Variants in CDK7 observed in about 807,000 individuals in gnomAD.
CDK7 encodes the protein cyclin dependent kinase 7, also known as cyclin-dependent kinase 7.
CDK7 carries 25 observed loss-of-function variants against 49.1 expected under a neutral mutation model. The observed-to-expected ratio is 0.51, with a 90% CI of 0.37 to 0.71. The LOEUF is 0.71. Among genes scored for constraint, CDK7 ranks in the 30% least tolerant of loss-of-function variants. The pLI is 0.00. For missense variants in CDK7, 316 were observed against 411.7 expected (o/e 0.77, Z 2.01); for synonymous variants, 107 against 140.0 (o/e 0.76, Z 1.67).
chr5:69,264,423 T>C (rs917956598), intron 8 of CDK7, among the ~76,000 whole-genome samples: 9 of 152,334 alleles, frequency 5.9e-5, no homozygotes, highest in African/African-American at 2.2e-4. Flanking sequence ...TACATACCTG[T>C]GGTCCCAGCT....
At chr5:69,249,433 TG>T (rs897133643) in intron 2 of CDK7, among the ~76,000 whole-genome samples, 3 of 151,774 alleles carry the variant, frequency 2.0e-5, no homozygotes, top group East Asian at 1.9e-4. Flanking sequence ...CCCAGCTTCT[TG>T]GGGGGGTCTG....
intron 2 of CDK7, among the ~76,000 whole-genome samples, chr5:69,246,481 G>A (rs1749764214): frequency 6.6e-6 from 1 of 152,080 alleles, no homozygotes; most frequent in Admixed American, 6.6e-5. Flanking sequence ...AAATGAAAGT[G>A]CACTTGGGAG....
chr5:69,250,874 G>A, intron 2 of CDK7: 1 of 456,626 alleles, frequency 2.2e-6, no homozygotes, highest in South Asian at 1.5e-5. Context: ...GGGCCCAGGG[G>A]CTCTATAGTG....
At chr5:69,240,554 G>A (rs1221391767) in intron 2 of CDK7, among the ~76,000 whole-genome samples, 1 of 152,212 alleles carries the variant, frequency 6.6e-6, no homozygotes. Context: ...CTGGGTGATG[G>A]AGTAGAGGGC....
intron 2 of CDK7, among the ~76,000 whole-genome samples, chr5:69,238,032 T>C (rs1561342017): frequency 1.3e-5 from 2 of 152,252 alleles, no homozygotes; most frequent in Non-Finnish European, 2.9e-5. Context: ...GTTCATTTGC[T>C]AGGATGTGTT....
chr5:69,257,781 A>T (rs942141680), intron 5 of CDK7, among the ~76,000 whole-genome samples: 2 of 152,208 alleles, frequency 1.3e-5, no homozygotes, highest in African/African-American at 4.8e-5. Context: ...TTGTCAGAAG[A>T]TGCAAGCAGA....
At chr5:69,241,307 G>GTTTTTTTTTTTTTTTTTTTTTTTTTTTTT (rs1749355577) in intron 2 of CDK7, among the ~76,000 whole-genome samples, 1 of 112,944 alleles carries the variant, frequency 8.9e-6, no homozygotes. Flanking sequence ...CTCATTGTAG[G>GTTTTTTTTTTTTTTTTTTTTTTTTTTTTT]TTTTTTCTTT....
At chr5:69,237,341 A>G (rs1029010950) in intron 2 of CDK7, among the ~76,000 whole-genome samples, 6 of 152,146 alleles carry the variant, frequency 3.9e-5, no homozygotes, top group Non-Finnish European at 8.8e-5. Context: ...TACAAATTAA[A>G]TTTATTCCAG....
At chr5:69,262,055 T>G in intron 7 of CDK7, 150 bp from the exon 8 acceptor site, 1 of 874,782 alleles carries the variant, frequency 1.1e-6, no homozygotes. Flanking sequence ...AGTATTATAT[T>G]TAAAACTTCA....
At chr5:69,275,300 A>G (rs1752003942) in intron 10 of CDK7, among the ~76,000 whole-genome samples, 1 of 152,206 alleles carries the variant, frequency 6.6e-6, no homozygotes, top group South Asian at 2.1e-4. Flanking sequence ...TTGAATTAGA[A>G]TCCATTGGTT....
At position 69,235,468 on chromosome 5, in the gene CDK7, T is replaced by C. The variant is rs1454940555; in HGVS notation, c.126+15T>C. ...CCATTAAGAAAGTGAGTTACCTTTT[T>C]ATGTTGTTTTTAAGTCTCCTTGAAG... On this transcript the variant is annotated intron_variant, in intron 2 of 11. Coordinates refer to ENST00000256443, the MANE Select transcript of CDK7 (RefSeq NM_001799.4). 3.2e-6 allele frequency: 5 copies of C among 1,558,326 alleles called. No homozygotes were observed. The South Asian group carries it at 4.5e-5, about 14-fold the overall frequency.
chr5:69,276,023 G>A (rs1752096206), intron 10 of CDK7, among the ~76,000 whole-genome samples: 1 of 151,998 alleles, frequency 6.6e-6, no homozygotes, highest in African/African-American at 2.4e-5. Flanking sequence ...AATTAGAAGG[G>A]AGTCTTTTTT....
chr5:69,239,442 G>GT (rs1049273504), intron 2 of CDK7, among the ~76,000 whole-genome samples: 4 of 151,130 alleles, frequency 2.6e-5, no homozygotes, highest in East Asian at 3.9e-4. Flanking sequence ...CATACTTTTT[G>GT]TTTTTTTTAA....
In CDK7 at chr5:69,251,015, G is replaced by A. The variant is rs183798124; in HGVS notation, c.127-1403G>A. Among the ~76,000 whole-genome samples the A allele has an allele frequency of 5.2e-3, 793 of 151,826 alleles. 4 individuals are homozygous for A. Among genetic ancestry groups the A allele is most frequent in the African/African-American group, 0.018 (749 of 41,402 alleles). On this transcript the variant is annotated intron_variant, in intron 2 of 11. Coordinates refer to ENST00000256443, the MANE Select transcript of CDK7 (RefSeq NM_001799.4). ...TGCAATCATAGCTCACTGCAGCCTC[G>A]AACTCCTGGGCTCAAGCAATCCTCC...
chr5:69,272,225 A>T (rs1751632220), intron 9 of CDK7, among the ~76,000 whole-genome samples: 1 of 152,290 alleles, frequency 6.6e-6, no homozygotes, highest in Non-Finnish European at 1.5e-5. Flanking sequence ...TAAGTCCTTT[A>T]TTGAGTTCCA....
intron 2 of CDK7, among the ~76,000 whole-genome samples, chr5:69,244,478 C>T (rs1167340573): frequency 6.6e-6 from 1 of 151,116 alleles, no homozygotes; most frequent in Non-Finnish European, 1.5e-5. Context: ...ACTAAAAGTA[C>T]AAAAAAAATT....
rs1752004294 is a variant in CDK7, at chr5:69,275,302, C to A, written c.865-1241C>A. 1.3e-5 allele frequency among the ~76,000 whole-genome samples: 2 copies of A among 152,114 alleles called. 1 individual carries two copies. The highest frequency in any genetic ancestry group is 3.9e-4 in the East Asian group (2 of 5,194). On this transcript the variant is annotated intron_variant, in intron 10 of 11. Transcript: ENST00000256443. ...TTGCAATGGATTGTTGAATTAGAATCCATTGGTTCCAACCTACTGTATTTT... is the reference window on the plus strand; with the variant it reads ...TTGCAATGGATTGTTGAATTAGAATACATTGGTTCCAACCTACTGTATTTT...
intron 2 of CDK7, among the ~76,000 whole-genome samples, chr5:69,248,577 G>A (rs1027816623): frequency 2.0e-4 from 31 of 151,768 alleles, no homozygotes; most frequent in Admixed American, 1.3e-4. Context: ...TAGTAGAGAC[G>A]GGGTTTCTCC....
chr5:69,276,316 A>C (rs1302280038), intron 10 of CDK7, among the ~76,000 whole-genome samples: 1 of 152,166 alleles, frequency 6.6e-6, no homozygotes, highest in African/African-American at 2.4e-5. Context: ...GGCATGAGCT[A>C]CTGTGCCCGG....
Sources: allele counts gnomAD v4.1 joint callset (sites outside exome capture counted in the v4.1 genomes callset), GRCh38; gene constraint gnomAD v4.1.1; transcripts MANE v1.5; gene names NCBI Gene and HGNC (gene_info 2026-07-23, HGNC 2026-07-21).